Variants in PRH1 observed in about 807,000 individuals in gnomAD.
PRH1 encodes salivary acidic proline-rich phosphoprotein 1/2.
Under a neutral mutation model 7.9 loss-of-function variants are expected in PRH1, and 7 were observed. The observed-to-expected ratio is 0.89, with a 90% CI of 0.50 to 1.67. The LOEUF (loss-of-function observed/expected upper bound fraction) is 1.67. Ranked by LOEUF, PRH1 falls within the 40% of genes most tolerant of loss-of-function variation. The pLI is 0.00. For synonymous variants in PRH1, 45 were observed against 80.8 expected, an observed-to-expected ratio of 0.56 and a Z score of 2.38; for missense variants, 109 against 223.6, an observed-to-expected ratio of 0.49 and a Z score of 3.27.
intron 2 of PRH1, among the ~76,000 whole-genome samples, chr12:10,927,771 C>T (rs1282110161): frequency 6.6e-6 from 1 of 152,170 alleles, no homozygotes; most frequent in Non-Finnish European, 1.5e-5. Context: ...CCAAGCTATC[C>T]TCAAATAAAC....
At chr12:11,012,279 TAGG>T (rs1026657690) in intron 1 of PRH1, among the ~76,000 whole-genome samples, 1 of 152,172 alleles carries the variant, frequency 6.6e-6, no homozygotes, top group Non-Finnish European at 1.5e-5. Flanking sequence ...TAATTGTTTC[TAGG>T]AGAAGATCTT....
At chr12:10,997,137 T>C in intron 1 of PRH1, 5 of 1,614,024 alleles carry the variant, frequency 3.1e-6, no homozygotes, top group Middle Eastern at 1.7e-4. Context: ...CAAAACGATA[T>C]GATTAGACAC....
chr12:10,880,987 G>A lies in PRH1; in HGVS notation c.*88C>T, dbSNP rs565096855. On this transcript the variant is annotated 3_prime_UTR_variant, in exon 4 of 4. Coordinates refer to ENST00000543626, the MANE Select transcript of PRH1 (RefSeq NM_001393989.1). ...AAATTGCAAGCTGATTGTTTTATTG[G>A]TATACTGAAGTTAGAGCATGATGCC... is the stretch of plus-strand genomic sequence containing the variant. 3.7e-5 allele frequency: 6 copies of A among 164,102 alleles called. No homozygotes were observed. The highest frequency in any genetic ancestry group is 8.3e-5 in the Non-Finnish European group (6 of 72,056). 10.2% of individuals were successfully genotyped at this position (164,102 alleles called of 1,614,324 possible).
downstream of PRH1, among the ~76,000 whole-genome samples, chr12:11,119,935 T>C (rs2136321869): frequency 1.3e-5 from 2 of 152,348 alleles, no homozygotes; most frequent in Middle Eastern, 6.8e-3. Flanking sequence ...TTGTTTGGAT[T>C]ACATTAACAA....
intron 1 of PRH1, among the ~76,000 whole-genome samples, chr12:11,115,788 T>C (rs1299898384): frequency 6.6e-6 from 1 of 152,072 alleles, no homozygotes; most frequent in African/African-American, 2.4e-5. Context: ...AATATGCTCC[T>C]GAATGACCAG....
chr12:10,900,135 C>A (rs1565458531), intron 2 of PRH1, among the ~76,000 whole-genome samples: 1 of 152,058 alleles, frequency 6.6e-6, no homozygotes, highest in Non-Finnish European at 1.5e-5. Flanking sequence ...GCAAACAGCC[C>A]CCATGATGGC....
intron 1 of PRH1, among the ~76,000 whole-genome samples, chr12:11,042,909 G>A (rs1318142052): frequency 3.9e-5 from 6 of 151,946 alleles, no homozygotes; most frequent in Admixed American, 6.6e-5. Flanking sequence ...GATTACAGGC[G>A]TGAGCCACCA....
intron 2 of PRH1, among the ~76,000 whole-genome samples, chr12:10,930,493 A>T (rs80229525): frequency 6.6e-6 from 1 of 151,458 alleles, no homozygotes; most frequent in Non-Finnish European, 1.5e-5. Flanking sequence ...TCACCACCCT[A>T]ATGTGGATTA....
At chr12:11,115,098 T>C (rs1857433646) in intron 1 of PRH1, among the ~76,000 whole-genome samples, 2 of 152,016 alleles carry the variant, frequency 1.3e-5, no homozygotes, top group South Asian at 2.1e-4. Flanking sequence ...TCAAAAGACA[T>C]AGTCTGGCTA....
At chr12:11,168,400 GAAAGAAAGAAAGAAAGA>G (rs1947700658) in intron 1 of PRH1, among the ~76,000 whole-genome samples, 1 of 47,864 alleles carries the variant, frequency 2.1e-5, no homozygotes, top group Admixed American at 2.2e-4. Context: ...AAGAAAGAAA[GAAAGAAAGAAAGAAAGA>G]AAGGAAAAGA....
At chr12:10,978,840 A>G (rs767528734) in intron 1 of PRH1, among the ~76,000 whole-genome samples, 1 of 152,188 alleles carries the variant, frequency 6.6e-6, no homozygotes, top group Non-Finnish European at 1.5e-5. Context: ...GAATCATTAA[A>G]GAAATGCAAA....
chr12:11,113,549 T>C (rs118133487), intron 1 of PRH1, among the ~76,000 whole-genome samples: 4,663 of 152,212 alleles, frequency 0.031, 97 homozygotes, highest in Non-Finnish European at 0.04. Flanking sequence ...CCTTACACAT[T>C]ATACAAAAAT....
intron 1 of PRH1, among the ~76,000 whole-genome samples, chr12:10,988,835 C>G (rs1939783352): frequency 6.6e-6 from 1 of 152,016 alleles, no homozygotes; most frequent in Non-Finnish European, 1.5e-5. Context: ...GAGACAGAGT[C>G]TCGCTCTATC....
intron 1 of PRH1, among the ~76,000 whole-genome samples, chr12:11,055,171 T>C (rs1943312602): frequency 6.6e-6 from 1 of 151,854 alleles, no homozygotes; most frequent in South Asian, 2.1e-4. Context: ...TGAGAAAATA[T>C]GATTAGTTAA....
At chr12:11,022,857 T>G (rs772362066) in intron 1 of PRH1, among the ~76,000 whole-genome samples, 4 of 118,750 alleles carry the variant, frequency 3.4e-5, no homozygotes, top group Non-Finnish European at 8.1e-5. Context: ...ATACTGAGGT[T>G]GAAGTGGAAA....
chr12:10,964,623 A>T (rs1420904437), intron 2 of PRH1: 1 of 485,540 alleles, frequency 2.1e-6, no homozygotes, highest in Non-Finnish European at 3.8e-6. Context: ...GTGATTAGGG[A>T]CAGAAAGTAA....
intron 1 of PRH1, among the ~76,000 whole-genome samples, chr12:11,002,578 AT>A (rs1394047034): frequency 6.6e-6 from 1 of 152,132 alleles, no homozygotes; most frequent in African/African-American, 2.4e-5. Flanking sequence ...ATTATATAGC[AT>A]ACAAACTGTA....
intron 2 of PRH1, among the ~76,000 whole-genome samples, chr12:10,890,068 T>C (rs1326788099): frequency 1.3e-5 from 2 of 152,124 alleles, no homozygotes; most frequent in Non-Finnish European, 1.5e-5. Flanking sequence ...TTTGAGTACA[T>C]TGAGTAATTT....
At chr12:10,995,761 G>A (rs1392446626) in intron 1 of PRH1, among the ~76,000 whole-genome samples, 5 of 151,914 alleles carry the variant, frequency 3.3e-5, no homozygotes, top group Non-Finnish European at 5.9e-5. Context: ...ACTTCAAAAA[G>A]GTTTTTGTTT....
Sources: gnomAD v4.1 joint callset for allele counts (sites outside exome capture counted in the v4.1 genomes callset) on GRCh38, gnomAD v4.1.1 for gene constraint, MANE v1.5 for transcripts, NCBI Gene and HGNC (gene_info 2026-07-23, HGNC 2026-07-21) for gene names.